The following GCNA variants were observed in gnomAD, a reference collection of about 807,000 sequenced individuals.
GCNA encodes the protein germ cell nuclear acidic protein.
A neutral mutation model predicts 38.8 loss-of-function variants in GCNA; 3 were observed. The observed-to-expected ratio is 0.08, with a 90% CI of 0.04 to 0.20. The LOEUF is 0.20. Among genes scored for constraint, GCNA ranks in the 10% least tolerant of loss-of-function variants. The pLI is 1.00. For synonymous variants in GCNA, 195 were observed against 240.2 expected (o/e 0.81, Z 1.74); for missense variants, 446 against 578.6 (o/e 0.77, Z 2.35).
chrX:71,607,501 C>T (rs1234611476), intron 9 of GCNA, among the ~76,000 whole-genome samples: 1 of 112,553 alleles, frequency 8.9e-6, no homozygotes, highest in Non-Finnish European at 1.9e-5. Context: ...ACTTAGTGGA[C>T]TGTTCCAGCT....
intron 2 of GCNA, among the ~76,000 whole-genome samples, chrX:71,589,450 CTTTTTTTTTT>C (rs371046758): frequency 1.1e-4 from 4 of 37,693 alleles, no homozygotes; most frequent in Non-Finnish European, 1.4e-4. Context: ...CATATATTTC[CTTTTTTTTTT>C]TTTTTTTTTT....
At chrX:71,590,644 C>G (rs896614961) in intron 2 of GCNA, among the ~76,000 whole-genome samples, 56 of 111,188 alleles carry the variant, frequency 5.0e-4, no homozygotes, top group Non-Finnish European at 1.3e-4. Context: ...ACAGTATCAG[C>G]CTCTAGGCCA....
intron 9 of GCNA, among the ~76,000 whole-genome samples, chrX:71,608,098 GAC>G (rs1403705265): frequency 9.0e-6 from 1 of 110,862 alleles, no homozygotes; most frequent in Non-Finnish European, 1.9e-5. Context: ...GATGAGAAGA[GAC>G]AGAGCCTGGA....
At chrX:71,588,573 T>C (rs1171246034) in intron 2 of GCNA, among the ~76,000 whole-genome samples, 3 of 112,166 alleles carry the variant, frequency 2.7e-5, no homozygotes, top group Non-Finnish European at 3.8e-5. Context: ...ATGTCTGTAA[T>C]CCCAGTACTT....
chrX:71,582,651 A>G (rs2040555491), intron 2 of GCNA, among the ~76,000 whole-genome samples: 1 of 111,875 alleles, frequency 8.9e-6, no homozygotes, highest in South Asian at 3.7e-4. Context: ...ATTTCTTTAT[A>G]CTTGTACTCC....
intron 1 of GCNA, among the ~76,000 whole-genome samples, chrX:71,579,377 C>T (rs1298032975): frequency 7.9e-4 from 37 of 46,687 alleles, no homozygotes; most frequent in African/African-American, 3.1e-3. Context: ...CGCCGGTGGC[C>T]GCATTGAAGG....
At position 71,613,298 on chromosome X, in the gene GCNA, G is replaced by C. The variant is rs2040827378; in HGVS notation, c.*316G>C. 5.3e-6 allele frequency: 1 copy of C among 186,993 alleles called. No individual in the cohort carries two copies. The highest frequency in any genetic ancestry group is 9.9e-6 in the Non-Finnish European group (1 of 100,818). 15.4% of individuals were successfully genotyped at this position (186,993 alleles called of 1,213,427 possible). ...TGCTAACCATTCTGTGCCCTTGACA[G>C]GGTATTTCTGAAGCCCTTGGGATCT... On this transcript the variant is annotated 3_prime_UTR_variant, in exon 13 of 13. Coordinates refer to ENST00000373696, the MANE Select transcript of GCNA (RefSeq NM_052957.5).
At chrX:71,609,434 G>C (rs938217040) in intron 10 of GCNA, among the ~76,000 whole-genome samples, 18 of 111,898 alleles carry the variant, frequency 1.6e-4, no homozygotes, top group African/African-American at 5.5e-4. Flanking sequence ...GGGAGAGGGA[G>C]AGTTGAGGCT....
At chrX:71,608,949 C>T (rs756853109) in intron 9 of GCNA, 24 bp from the exon 10 acceptor site, 1 of 1,202,912 alleles carries the variant, frequency 8.3e-7, no homozygotes, top group East Asian at 3.0e-5. Flanking sequence ...GCTACATAAA[C>T]CTCAGTTGAA....
chrX:71,604,876 C>A (rs1442782714), intron 8 of GCNA, among the ~76,000 whole-genome samples, 200 bp downstream of exon 8: 1 of 112,269 alleles, frequency 8.9e-6, no homozygotes, highest in East Asian at 2.8e-4. Flanking sequence ...TCTCATGCTC[C>A]TGTATCTTAG....
intron 2 of GCNA, among the ~76,000 whole-genome samples, chrX:71,584,771 G>C (rs1042306783): frequency 1.8e-5 from 2 of 110,879 alleles, no homozygotes; most frequent in African/African-American, 6.6e-5. Context: ...GGGAGGCTGA[G>C]GCGGGAGAAT....
chrX:71,608,002 A>G (rs1342057764), intron 9 of GCNA, among the ~76,000 whole-genome samples: 1 of 111,991 alleles, frequency 8.9e-6, no homozygotes, highest in Non-Finnish European at 1.9e-5. Context: ...CATGAATGTC[A>G]GGCCAGGCAG....
chrX:71,596,211 C>CAATAAATA (rs111616995), intron 6 of GCNA, among the ~76,000 whole-genome samples: 1 of 111,023 alleles, frequency 9.0e-6, no homozygotes, highest in African/African-American at 3.3e-5. Flanking sequence ...GAGACTCTCT[C>CAATAAATA]AATAAATAAA....
At chrX:71,594,298 T>TTTTATAAAG (rs2040653421) in intron 4 of GCNA, 33 bp from the exon 5 acceptor site, 1 of 1,132,166 alleles carries the variant, frequency 8.8e-7, no homozygotes, top group Non-Finnish European at 1.2e-6. Context: ...TCGATAGCCC[T>TTTTATAAAG]CCTTTTATAA....
At chrX:71,580,092 T>G (rs760380814) in intron 1 of GCNA, among the ~76,000 whole-genome samples, 1 of 70,845 alleles carries the variant, frequency 1.4e-5, no homozygotes. Context: ...AGTAAAGAGG[T>G]AGGGGAAGGG....
chrX:71,590,413 G>A (rs1301638765), intron 2 of GCNA, among the ~76,000 whole-genome samples: 2 of 111,795 alleles, frequency 1.8e-5, no homozygotes, highest in African/African-American at 6.5e-5. Context: ...TCAGCTGTTA[G>A]TTTATATAAT....
intron 2 of GCNA, 41 bp downstream of exon 2, chrX:71,580,921 A>G: frequency 8.9e-7 from 1 of 1,122,943 alleles, no homozygotes; most frequent in Non-Finnish European, 1.2e-6. Flanking sequence ...GTTTAGTGTT[A>G]CCGTATTGGC....
chrX:71,580,721 G>T, intron 1 of GCNA, 99 bp from the exon 2 acceptor site: 1 of 745,335 alleles, frequency 1.3e-6, no homozygotes, highest in Non-Finnish European at 2.0e-6. Flanking sequence ...TGATCTGCCC[G>T]CCTCGGCCTC....
intron 6 of GCNA, among the ~76,000 whole-genome samples, chrX:71,597,282 A>AT (rs1472026859): frequency 9.0e-6 from 1 of 111,455 alleles, no homozygotes; most frequent in Non-Finnish European, 1.9e-5. Context: ...TGTATTAAGT[A>AT]TTTTTCTTTC....
Sources: allele counts gnomAD v4.1 joint callset (sites outside exome capture counted in the v4.1 genomes callset), GRCh38; gene constraint gnomAD v4.1.1; transcripts MANE v1.5; gene names NCBI Gene and HGNC (gene_info 2026-07-23, HGNC 2026-07-21).